The following MTA1 variants were observed in gnomAD, a reference collection of about 807,000 sequenced individuals.
The protein encoded by MTA1 is metastasis-associated protein MTA1.
In MTA1, 15 loss-of-function variants were observed where a neutral mutation model predicts 97.0. The ratio of observed to expected loss-of-function variants is 0.15; its 90% CI spans 0.10 to 0.24. The LOEUF (loss-of-function observed/expected upper bound fraction) is 0.24, where lower values mean the gene tolerates loss of function less well. MTA1 is among the 10% of genes least tolerant of loss of function. The pLI, the probability that MTA1 is intolerant of heterozygous loss-of-function variation, is 1.00. For missense variants in MTA1, 709 were observed against 1,015.1 expected, an observed-to-expected ratio of 0.70 and a Z score of 4.10; for synonymous variants, 435 against 417.5, an observed-to-expected ratio of 1.04 and a Z score of -0.51.
At position 105,464,203 on chromosome 14, in the gene MTA1, C is replaced by T. The variant is rs906628173; in HGVS notation, c.1192+56C>T. On this transcript the variant is annotated intron_variant, in intron 13 of 20. Transcript: ENST00000331320. The stretch of plus-strand genomic sequence containing the variant: ...GCACGCCCGCCTGTGGGCCGTGGTG[C>T]CTGCGTTGGCCCTGAGGGCTCCAGC... The T allele has an allele frequency of 2.0e-5, 31 of 1,549,682 alleles. No homozygotes were observed. The Admixed American group carries it at 5.4e-4, about 27-fold the overall frequency.
intron 1 of MTA1, among the ~76,000 whole-genome samples, chr14:105,427,606 G>C (rs187784897): frequency 1.8e-3 from 270 of 152,354 alleles, no homozygotes; most frequent in African/African-American, 5.7e-3. Flanking sequence ...GTAGGAACCT[G>C]ACCCTGTATT....
chr14:105,422,362 C>G lies in MTA1; in HGVS notation c.28+2299C>G, dbSNP rs1269144773. Among the ~76,000 whole-genome samples the G allele has an allele frequency of 2.0e-5, 3 of 152,134 alleles. No individual in the cohort carries two copies. The highest frequency in any genetic ancestry group is 6.5e-5 in the Admixed American group (1 of 15,274). On this transcript the variant is annotated intron_variant, in intron 1 of 20. Coordinates refer to ENST00000331320, the MANE Select transcript of MTA1 (RefSeq NM_004689.4). The surrounding 1 kb of genome is among the most constrained non-coding windows in gnomAD (Gnocchi z 4.3). ...GCGTCTGGATTCTTGAGCCCCCAGACAAGAAAGAGGAAGGTGTGCAGTGTC... is the reference window on the plus strand; with the variant it reads ...GCGTCTGGATTCTTGAGCCCCCAGAGAAGAAAGAGGAAGGTGTGCAGTGTC...
At chr14:105,426,376 A>AAG (rs1491186247) in intron 1 of MTA1, among the ~76,000 whole-genome samples, 1 of 8,878 alleles carries the variant, frequency 1.1e-4, no homozygotes, top group Admixed American at 2.3e-3. Context: ...TTCGTCTCAC[A>AAG]AAAAAAAAAA....
chr14:105,421,310 C>T (rs587762450), intron 1 of MTA1, among the ~76,000 whole-genome samples: 57 of 152,320 alleles, frequency 3.7e-4, no homozygotes, highest in African/African-American at 1.1e-3. Flanking sequence ...AGGGAGCAGC[C>T]TGGGTGCGGG....
intron 1 of MTA1, among the ~76,000 whole-genome samples, chr14:105,432,266 A>C (rs1282410802): frequency 6.6e-6 from 1 of 152,050 alleles, no homozygotes; most frequent in East Asian, 1.9e-4. Flanking sequence ...TTTGAGACGG[A>C]GTCTTGCTCT....
At chr14:105,441,785 C>T (rs1201074983) in intron 2 of MTA1, among the ~76,000 whole-genome samples, 1 of 152,056 alleles carries the variant, frequency 6.6e-6, no homozygotes, top group Non-Finnish European at 1.5e-5. Context: ...CAGAGCGAGA[C>T]TCTGTCTCAA....
chr14:105,454,357 C>A, intron 7 of MTA1, 47 bp downstream of exon 7: 1 of 1,364,182 alleles, frequency 7.3e-7, no homozygotes, highest in Non-Finnish European at 1.0e-6. Context: ...CTGTCCTGTC[C>A]TGCCGGGTGA....
intron 6 of MTA1, 90 bp downstream of exon 6, chr14:105,450,414 C>A: frequency 7.2e-7 from 1 of 1,395,530 alleles, no homozygotes; most frequent in Non-Finnish European, 9.7e-7. Context: ...GCGGCGGAGA[C>A]GATTTTCCCT....
chr14:105,436,283 A>G (rs2082322284), intron 1 of MTA1, among the ~76,000 whole-genome samples: 1 of 152,192 alleles, frequency 6.6e-6, no homozygotes, highest in Non-Finnish European at 1.5e-5. Flanking sequence ...CAAACAAGCA[A>G]ACACTCAGCT....
At chr14:105,448,342 C>T (rs1422511114) in intron 3 of MTA1, among the ~76,000 whole-genome samples, 1 of 152,168 alleles carries the variant, frequency 6.6e-6, no homozygotes, top group African/African-American at 2.4e-5. Context: ...GCCCGCATCT[C>T]CGACAGGCTG....
rs587667325 is a variant in MTA1 at position 105,451,821 on chromosome 14, G to A, written c.432+1497G>A. Among the ~76,000 whole-genome samples, 479 of 116,492 alleles carry A rather than the reference G, an allele frequency of 4.1e-3. 1 individual carries two copies. The highest frequency in any genetic ancestry group is 0.015 in the African/African-American group (446 of 28,852). 76.4% of individuals were successfully genotyped at this position (116,492 alleles called of 152,430 possible). A position where few individuals can be genotyped will look rare whatever the true frequency, so the allele number is the denominator to read the frequency against. On this transcript the variant is annotated intron_variant, in intron 6 of 20. Coordinates refer to ENST00000331320, the MANE Select transcript of MTA1 (RefSeq NM_004689.4). Reference sequence around the variant, plus strand: ...TTTTTTTTTTTTGAGACAGAGTTTCGCTCTTGTTGCCCAGGCTGGAGTACA... The same window carrying A: ...TTTTTTTTTTTTGAGACAGAGTTTCACTCTTGTTGCCCAGGCTGGAGTACA...
At chr14:105,448,757 C>T (rs1257165621) in intron 3 of MTA1, among the ~76,000 whole-genome samples, 5 of 152,350 alleles carry the variant, frequency 3.3e-5, no homozygotes, top group South Asian at 2.1e-4. Flanking sequence ...TAGCTGTTGG[C>T]GCCTGGGAGG....
chr14:105,464,106 G>A lies in MTA1; in HGVS notation c.1151G>A (p.Gly384Asp), dbSNP rs782088497. 6.2e-7 allele frequency: 1 copy of A among 1,612,204 alleles called. No homozygotes were observed. Among genetic ancestry groups the A allele is most frequent in the Admixed American group, 1.7e-5 (1 of 59,922 alleles). ...AGVVNGTGAP[G>D]QSPGAGRACE... Reference sequence around the variant, plus strand: ...GTGGTGAACGGCACGGGGGCGCCGGGCCAGAGCCCTGGGGCTGGCCGGGCC... The same window carrying A: ...GTGGTGAACGGCACGGGGGCGCCGGACCAGAGCCCTGGGGCTGGCCGGGCC... Residue 384 changes from glycine to aspartate, a missense_variant, in exon 13 of 21, where the codon GGC (glycine) becomes GAC (aspartate). Physicochemically the swap from Gly to Asp is moderately conservative, Grantham distance 94. Around this residue, in one of 2 missense-constraint regions of MTA1, gnomAD observed 321 missense variants for 593.5 expected, o/e 0.54. Coordinates refer to ENST00000331320, the MANE Select transcript of MTA1 (RefSeq NM_004689.4).
chr14:105,443,709 G>C (rs1440198290), intron 2 of MTA1, among the ~76,000 whole-genome samples: 6 of 152,214 alleles, frequency 3.9e-5, no homozygotes, highest in Non-Finnish European at 8.8e-5. Context: ...CACTCTGGGA[G>C]GCCAAGGCGG....
chr14:105,442,642 T>TACAACACAA (rs2082576801), intron 2 of MTA1, among the ~76,000 whole-genome samples: 1 of 80,212 alleles, frequency 1.2e-5, no homozygotes, highest in Non-Finnish European at 2.7e-5. Flanking sequence ...CAGGAGCGTC[T>TACAACACAA]CAGAACAGAC....
At chr14:105,448,142 C>G (rs587720632) in intron 3 of MTA1, among the ~76,000 whole-genome samples, 1 of 152,152 alleles carries the variant, frequency 6.6e-6, no homozygotes, top group East Asian at 1.9e-4. Context: ...CAGAGGAGGG[C>G]GTGGGGGCCC....
In MTA1 at chr14:105,463,317, C is replaced by T; in HGVS notation, c.1017+59C>T. On this transcript the variant is annotated intron_variant, in intron 11 of 20. Coordinates refer to ENST00000331320, the MANE Select transcript of MTA1 (RefSeq NM_004689.4). This position sits in a 1 kb window ranked among gnomAD's most constrained non-coding sequence, Gnocchi z 5.9. ...GCCGCCTCCCCGTCCTGCGCCCCAT[C>T]CTCTCCCAGCAGGTGGGCGTGCACT... 6.3e-7 allele frequency: 1 copy of T among 1,586,176 alleles called. No homozygotes were observed. The highest frequency in any genetic ancestry group is 8.6e-7 in the Non-Finnish European group (1 of 1,157,822).
chr14:105,453,250 G>A (rs782383088), intron 6 of MTA1, among the ~76,000 whole-genome samples: 13 of 152,404 alleles, frequency 8.5e-5, no homozygotes, highest in African/African-American at 3.1e-4. Context: ...GCTCCGTAGC[G>A]CTCCAGCGGT....
At chr14:105,435,173 G>GT (rs2082293597) in intron 1 of MTA1, among the ~76,000 whole-genome samples, 1 of 152,218 alleles carries the variant, frequency 6.6e-6, no homozygotes, top group South Asian at 2.1e-4. Flanking sequence ...GTTTAATAGC[G>GT]TATGTGTTGG....
Sources: gnomAD v4.1 joint callset for allele counts (sites outside exome capture counted in the v4.1 genomes callset) on GRCh38, gnomAD v4.1.1 for gene constraint, gnomAD v4.1.1 regional missense constraint, Gnocchi (gnomAD v3.1) non-coding constraint, MANE v1.5 for transcripts, NCBI Gene and HGNC (gene_info 2026-07-23, HGNC 2026-07-21) for gene names.